TMC5: variants seen among roughly 807,000 people sequenced by gnomAD.
TMC5 encodes the protein transmembrane channel-like protein 5.
TMC5 carries 86 observed loss-of-function variants against 110.5 expected under a neutral mutation model. The ratio of observed to expected loss-of-function variants is 0.78; its 90% CI spans 0.65 to 0.93. TMC5 has a LOEUF of 0.93. Among genes scored for constraint, TMC5 ranks in the 40% least tolerant of loss-of-function variants. The pLI, the probability that TMC5 is intolerant of heterozygous loss-of-function variation, is 0.00. For synonymous variants in TMC5, 455 were observed against 439.5 expected (o/e 1.04, Z -0.44); for missense variants, 1,144 against 1,222.8 (o/e 0.94, Z 0.96).
At chr16:19,470,051 T>C (rs1371065559) in intron 10 of TMC5, among the ~76,000 whole-genome samples, 12 of 143,800 alleles carry the variant, frequency 8.3e-5, no homozygotes, top group Non-Finnish European at 1.2e-4. Flanking sequence ...CCTGCCACCA[T>C]GCCCGGCTAA....
chr16:19,463,310 G>C lies in TMC5; in HGVS notation c.1179G>C (p.Gln393His). 1 of 1,614,084 alleles carries C rather than the reference G, an allele frequency of 6.2e-7. No homozygotes were observed. The stretch of plus-strand genomic sequence containing the variant: ...TAGTTGACAAAGAAAAAAGCAAACA[G>C]ACCCATCGTATCCTTCAGCTCAATT... ...RKIVDKEKSKQTHRILQLNCC... is the reference protein window; with the variant it reads ...RKIVDKEKSKHTHRILQLNCC... Residue 393 changes from glutamine to histidine, a missense_variant, in exon 7 of 22, where the codon CAG (glutamine) becomes CAC (histidine). Coordinates refer to ENST00000542583, the MANE Select transcript of TMC5 (RefSeq NM_001261841.2).
rs533927536 is a variant in TMC5 at position 19,440,077 on chromosome 16, C to A, written c.39C>A (p.Asp13Glu). Residue 13 changes from aspartate (D) to glutamate (E), a missense_variant, in exon 3 of 22, where the codon GAC (aspartate) becomes GAA (glutamate). By Grantham distance (45) the Asp-to-Glu change is conservative. Transcript: ENST00000542583. ...AYYRNNWSEE[D>E]PDYPDYSGSQ... ...ACAGGAATAACTGGTCTGAGGAAGA[C>A]CCAGATTACCCTGACTATTCAGGGT... 6.2e-7 allele frequency: 1 copy of A among 1,614,008 alleles called. No individual in the cohort carries two copies. The highest frequency in any genetic ancestry group is 8.5e-7 in the Non-Finnish European group (1 of 1,179,988).
intron 17 of TMC5, among the ~76,000 whole-genome samples, chr16:19,489,626 G>A (rs1051040833): frequency 7.4e-5 from 11 of 148,010 alleles, no homozygotes; most frequent in Admixed American, 2.7e-4. Flanking sequence ...GAGCCACCGC[G>A]CCTGGCATGC....
chr16:19,454,950 A>G (rs542044329), intron 5 of TMC5, among the ~76,000 whole-genome samples: 32 of 151,850 alleles, frequency 2.1e-4, no homozygotes, highest in Admixed American at 1.4e-3. Context: ...ACCAGCCTGG[A>G]CAACAAAGTG....
chr16:19,413,523 C>CAAAAAAAAAAA (rs869158130), upstream of TMC5, among the ~76,000 whole-genome samples: 2 of 52,982 alleles, frequency 3.8e-5, no homozygotes, highest in African/African-American at 9.8e-5. Flanking sequence ...AACCCTGCCT[C>CAAAAAAAAAAA]AAAAAAAAAA....
chr16:19,412,555 ATGGG>A (rs1966858383), intron 1 of TMC5, among the ~76,000 whole-genome samples: 1 of 151,526 alleles, frequency 6.6e-6, no homozygotes, highest in Non-Finnish European at 1.5e-5. Context: ...TTTAGTAGAG[ATGGG>A]CTTTCATCAT....
chr16:19,489,666 T>A (rs887317151), intron 17 of TMC5, among the ~76,000 whole-genome samples: 9 of 118,064 alleles, frequency 7.6e-5, no homozygotes, highest in Admixed American at 4.3e-4. Flanking sequence ...TTTTTTTTTT[T>A]AGAAATGGGT....
Position 19,463,162 on chromosome 16 carries a change from C to A in TMC5, c.1149-118C>A. 4.0e-6 allele frequency: 3 copies of A among 751,740 alleles called. No individual in the cohort carries two copies. In the South Asian group the frequency reaches 4.8e-5, roughly 12 times the overall value. 46.6% of individuals were successfully genotyped at this position (751,740 alleles called of 1,614,324 possible). A position where few individuals can be genotyped will look rare whatever the true frequency, so the allele number is the denominator to read the frequency against. ...GTCTTGAACTCCTGGCCTCAGTGAT[C>A]CTCTTGCCTCAGCTTCCGAAGTGTT... On this transcript the variant is annotated intron_variant, in intron 6 of 21. Transcript: ENST00000542583.
chr16:19,465,099 TCCTTCCTTCCTTCCTCCCTCCCTCCCTC>T (rs1968149677), intron 8 of TMC5, among the ~76,000 whole-genome samples: 3 of 97,294 alleles, frequency 3.1e-5, no homozygotes, highest in East Asian at 6.3e-4. Flanking sequence ...CTTCCTTCCT[TCCTTCCTTCCTTCCTCCCTCCCTCCCTC>T]CCTCCCTTCC....
chr16:19,410,724 A>T (rs1384878622), exon 1 of TMC5: 1 of 152,356 alleles, frequency 6.6e-6, no homozygotes, highest in African/African-American at 2.4e-5. Flanking sequence ...GCTTCGGGCC[A>T]GGGTCGACCC....
At position 19,447,376 on chromosome 16, in the gene TMC5, G is replaced by A. The variant is rs372661511; in HGVS notation, c.959-2166G>A. 4.6e-5 allele frequency among the ~76,000 whole-genome samples: 7 copies of A among 152,248 alleles called. No homozygotes were observed. In the South Asian group the frequency reaches 1.0e-3, roughly 23 times the overall value. On this transcript the variant is annotated intron_variant, in intron 4 of 21. Coordinates refer to ENST00000542583, the MANE Select transcript of TMC5 (RefSeq NM_001261841.2). Reference sequence around the variant, plus strand: ...ACTGTCACTTCTGTCATATTCCATTGTTCAAAGCAAGTCACACGACTAAGC... The same window carrying A: ...ACTGTCACTTCTGTCATATTCCATTATTCAAAGCAAGTCACACGACTAAGC...
At position 19,497,956 on chromosome 16, in the gene TMC5, C is replaced by A; in HGVS notation, c.3011C>A (p.Pro1004Gln). The A allele has an allele frequency of 1.2e-5, 20 of 1,613,978 alleles. No individual in the cohort carries two copies. Among genetic ancestry groups the A allele is most frequent in the Non-Finnish European group, 1.7e-5 (20 of 1,179,936 alleles). The change falls in exon 22 of 22, where the codon CCA (proline) becomes CAA (glutamine). Residue 1004 changes from proline (P) to glutamine (Q), a missense_variant. Physicochemically the swap from Pro to Gln is moderately conservative, Grantham distance 76 (BLOSUM62 -1). Coordinates refer to ENST00000542583, the MANE Select transcript of TMC5 (RefSeq NM_001261841.2). ...RSRRSVQEGN[P>Q]RA ...AGAAGATCAGTTCAAGAAGGTAATC[C>A]AAGGGCCTGATGACTCTTTTGGTAA...
chr16:19,489,038 CTT>C (rs1346571682), intron 17 of TMC5, among the ~76,000 whole-genome samples: 1 of 147,056 alleles, frequency 6.8e-6, no homozygotes, highest in Non-Finnish European at 1.5e-5. Flanking sequence ...TCTTCTCTCT[CTT>C]CCTTGCTCCA....
intron 3 of TMC5, among the ~76,000 whole-genome samples, chr16:19,442,928 C>G (rs1257990802): frequency 1.3e-5 from 2 of 152,194 alleles, no homozygotes; most frequent in African/African-American, 4.8e-5. Flanking sequence ...ACCTTTGATC[C>G]TATCACTCCT....
At chr16:19,469,607 C>T in intron 9 of TMC5, 74 bp from the exon 10 acceptor site, 2 of 1,574,618 alleles carry the variant, frequency 1.3e-6, no homozygotes, top group Non-Finnish European at 1.7e-6. Flanking sequence ...AATAGGGCTG[C>T]CCTTTGTTGA....
chr16:19,416,303 T>C (rs145106010), upstream of TMC5, among the ~76,000 whole-genome samples: 12 of 152,246 alleles, frequency 7.9e-5, no homozygotes, highest in African/African-American at 2.4e-4. Flanking sequence ...GCAAATGCCA[T>C]AGGAAACAGA....
At chr16:19,477,152 G>A (rs770407714) in intron 12 of TMC5, 12 of 259,550 alleles carry the variant, frequency 4.6e-5, no homozygotes, top group Admixed American at 2.1e-4. Context: ...GGAAGCTGAG[G>A]CAGGAGAATG....
intron 12 of TMC5, 30 bp from the exon 13 acceptor site, chr16:19,477,410 G>A (rs2143675315): frequency 6.7e-7 from 1 of 1,494,340 alleles, no homozygotes; most frequent in Non-Finnish European, 9.3e-7. Flanking sequence ...GCCATTGAAG[G>A]TAATCATAAA....
At chr16:19,423,566 C>G (rs550778825) in intron 1 of TMC5, among the ~76,000 whole-genome samples, 26 of 152,228 alleles carry the variant, frequency 1.7e-4, no homozygotes, top group African/African-American at 5.8e-4. Context: ...TATAAGCTTG[C>G]GTTTTGTGTC....
Sources: gnomAD v4.1 joint callset for allele counts (sites outside exome capture counted in the v4.1 genomes callset) on GRCh38, gnomAD v4.1.1 for gene constraint, MANE v1.5 for transcripts, NCBI Gene and HGNC (gene_info 2026-07-23, HGNC 2026-07-21) for gene names.